PCGF5: variants seen among roughly 807,000 people sequenced by gnomAD.
PCGF5 encodes the protein polycomb group ring finger 5.
Under a neutral mutation model 44.3 loss-of-function variants are expected in PCGF5, and 9 were observed. That is an observed-to-expected ratio of 0.20 (90% CI 0.12 to 0.35). The LOEUF is 0.35. PCGF5 is among the 10% of genes least tolerant of loss of function. PCGF5 has a pLI of 1.00. For synonymous variants in PCGF5, 95 were observed against 102.5 expected, an observed-to-expected ratio of 0.93 and a Z score of 0.44; for missense variants, 146 against 305.3, an observed-to-expected ratio of 0.48 and a Z score of 3.89.
rs763209129 is a variant in PCGF5 at position 91,264,537 on chromosome 10, T to C, written c.663+17T>C. Reference sequence around the variant, plus strand: ...GGCGAAAACGTAAATTGCTTTTATATTTACCTATGTGTTTATTTAGTTATA... The same window carrying C: ...GGCGAAAACGTAAATTGCTTTTATACTTACCTATGTGTTTATTTAGTTATA... On this transcript the variant is annotated intron_variant, in intron 8 of 9. Transcript: ENST00000336126. 6.4e-7 allele frequency: 1 copy of C among 1,559,984 alleles called. No homozygotes were observed. The highest frequency in any genetic ancestry group is 1.4e-5 in the African/African-American group (1 of 71,410).
At chr10:91,230,124 A>G (rs1005456782) in intron 2 of PCGF5, among the ~76,000 whole-genome samples, 2 of 152,228 alleles carry the variant, frequency 1.3e-5, no homozygotes, top group African/African-American at 4.8e-5. Context: ...TAGTTGAGCA[A>G]AACGTCATAG....
intron 9 of PCGF5, among the ~76,000 whole-genome samples, chr10:91,271,925 TATGAATC>T (rs1326411290): frequency 6.6e-6 from 1 of 152,230 alleles, no homozygotes; most frequent in Non-Finnish European, 1.5e-5. Flanking sequence ...GGCTATTACT[TATGAATC>T]AGGAATTTTT....
intron 1 of PCGF5, among the ~76,000 whole-genome samples, chr10:91,191,969 G>A (rs1844041544): frequency 6.6e-6 from 1 of 152,198 alleles, no homozygotes; most frequent in East Asian, 1.9e-4. Flanking sequence ...CTGGTGAGCT[G>A]TGAGATTAGA....
At chr10:91,243,114 C>T (rs1589390598) in intron 3 of PCGF5, among the ~76,000 whole-genome samples, 2 of 152,280 alleles carry the variant, frequency 1.3e-5, no homozygotes, top group East Asian at 3.9e-4. Context: ...GAGATGTCAG[C>T]AGAAACTGAA....
At chr10:91,177,701 A>C (rs914304277) in intron 1 of PCGF5, among the ~76,000 whole-genome samples, 1 of 152,208 alleles carries the variant, frequency 6.6e-6, no homozygotes, top group Non-Finnish European at 1.5e-5. Flanking sequence ...AGGACCCTCC[A>C]AGCCAGGTGC....
intron 1 of PCGF5, among the ~76,000 whole-genome samples, chr10:91,188,320 A>C (rs1311455961): frequency 6.6e-6 from 1 of 152,214 alleles, no homozygotes; most frequent in Non-Finnish European, 1.5e-5. Flanking sequence ...AAGGGGTGAC[A>C]GACAGTACCT....
chr10:91,194,802 AT>A (rs1375561064), intron 1 of PCGF5, among the ~76,000 whole-genome samples: 1 of 152,192 alleles, frequency 6.6e-6, no homozygotes, highest in Non-Finnish European at 1.5e-5. Flanking sequence ...TATTGTCCTC[AT>A]TTTTAAAAAA....
At position 91,282,003 on chromosome 10, in the gene PCGF5, A is replaced by G. The variant is rs993015514; in HGVS notation, c.*3687A>G. On this transcript the variant is annotated 3_prime_UTR_variant, in exon 10 of 10. Coordinates refer to ENST00000336126, the MANE Select transcript of PCGF5 (RefSeq NM_032373.5). ...TTATTTCATGGAGGCAGTGTTAACTAAAATTAAGCTTAGATTTAGCTCCTG... is the reference window on the plus strand; with the variant it reads ...TTATTTCATGGAGGCAGTGTTAACTGAAATTAAGCTTAGATTTAGCTCCTG... 1 of 152,264 alleles carries G rather than the reference A, an allele frequency of 6.6e-6. No individual in the cohort carries two copies. The highest frequency in any genetic ancestry group is 1.5e-5 in the Non-Finnish European group (1 of 68,034). The allele number at this position is 152,264 out of a possible 1,614,324, so 9.4% of individuals were successfully genotyped here. A position where few individuals can be genotyped will look rare whatever the true frequency, so the allele number is the denominator to read the frequency against.
intron 1 of PCGF5, among the ~76,000 whole-genome samples, chr10:91,202,781 C>T (rs1844276776): frequency 1.3e-5 from 2 of 152,054 alleles, no homozygotes; most frequent in African/African-American, 4.8e-5. Flanking sequence ...AAAAGATTGG[C>T]CATTTATGCT....
At chr10:91,157,392 GTTGAAT>G in the PCGF5 span, among the ~76,000 whole-genome samples, 1 of 152,264 alleles carries the variant, frequency 6.6e-6, no homozygotes, top group South Asian at 2.1e-4. Context: ...CTGAATGCAT[GTTGAAT>G]TTGATTTTAT....
At chr10:91,211,472 C>T (rs1186018171) in intron 1 of PCGF5, among the ~76,000 whole-genome samples, 1 of 152,138 alleles carries the variant, frequency 6.6e-6, no homozygotes, top group Non-Finnish European at 1.5e-5. Flanking sequence ...CAGACCTTTG[C>T]AGGGGCCATA....
intron 1 of PCGF5, among the ~76,000 whole-genome samples, chr10:91,208,518 G>T (rs12257512): frequency 0.057 from 8,617 of 152,218 alleles, 796 homozygotes; most frequent in African/African-American, 0.2. Context: ...GACCCTGGCT[G>T]AAGTAACAAA....
At chr10:91,273,558 A>C (rs1449105974) in intron 9 of PCGF5, among the ~76,000 whole-genome samples, 1 of 152,160 alleles carries the variant, frequency 6.6e-6, no homozygotes, top group African/African-American at 2.4e-5. Flanking sequence ...CTTGTAGCTA[A>C]TAGGATGCAC....
At chr10:91,244,420 G>A (rs1002955038) in intron 3 of PCGF5, among the ~76,000 whole-genome samples, 1 of 152,136 alleles carries the variant, frequency 6.6e-6, no homozygotes, top group South Asian at 2.1e-4. Flanking sequence ...GTGAGTGAGG[G>A]ACAGAATACT....
At chr10:91,157,302 C>A in the PCGF5 span, among the ~76,000 whole-genome samples, 1 of 152,068 alleles carries the variant, frequency 6.6e-6, no homozygotes, top group East Asian at 1.9e-4. Context: ...TAAATGTGCC[C>A]AAGATCACAT....
At chr10:91,247,754 G>C (rs978562429) in intron 3 of PCGF5, among the ~76,000 whole-genome samples, 3 of 152,192 alleles carry the variant, frequency 2.0e-5, no homozygotes, top group Non-Finnish European at 4.4e-5. Flanking sequence ...CAGAAGAGAG[G>C]AATGGAGATT....
intron 7 of PCGF5, among the ~76,000 whole-genome samples, chr10:91,261,662 G>A (rs907833697): frequency 6.6e-6 from 1 of 152,098 alleles, no homozygotes; most frequent in African/African-American, 2.4e-5. Flanking sequence ...ATAATTAGAG[G>A]AGATATTTAA....
At chr10:91,255,585 G>A (rs1469988064) in intron 6 of PCGF5, among the ~76,000 whole-genome samples, 3 of 152,094 alleles carry the variant, frequency 2.0e-5, no homozygotes, top group African/African-American at 7.2e-5. Context: ...AGAAATCTCT[G>A]TTCCATTATT....
intron 7 of PCGF5, 89 bp downstream of exon 7, chr10:91,261,513 AAATT>A: frequency 7.8e-7 from 1 of 1,275,632 alleles, no homozygotes; most frequent in Non-Finnish European, 1.0e-6. Context: ...GAATATATTC[AAATT>A]AATTTTTGTG....
Sources: gnomAD v4.1 joint callset for allele counts (sites outside exome capture counted in the v4.1 genomes callset) on GRCh38, gnomAD v4.1.1 for gene constraint, MANE v1.5 for transcripts, NCBI Gene and HGNC (gene_info 2026-07-23, HGNC 2026-07-21) for gene names.